The following TMOD1 variants were observed in gnomAD, a reference collection of about 807,000 sequenced individuals.
The protein encoded by TMOD1 is tropomodulin 1.
TMOD1 carries 17 observed loss-of-function variants against 40.6 expected under a neutral mutation model. That is an observed-to-expected ratio of 0.42 (90% confidence interval 0.29 to 0.63). The LOEUF (loss-of-function observed/expected upper bound fraction) is 0.63, where lower values mean the gene tolerates loss of function less well. Among genes scored for constraint, TMOD1 ranks in the 20% least tolerant of loss-of-function variants. The pLI is 0.22. For synonymous variants in TMOD1, 181 were observed against 175.0 expected, an observed-to-expected ratio of 1.03 and a Z score of -0.27; for missense variants, 391 against 447.6, an observed-to-expected ratio of 0.87 and a Z score of 1.14.
At chr9:97,594,520 T>C (rs1421572431) in intron 9 of TMOD1, among the ~76,000 whole-genome samples, 2 of 152,202 alleles carry the variant, frequency 1.3e-5, no homozygotes, top group African/African-American at 4.8e-5. Context: ...GGAGCAGGCC[T>C]CTCAGGCCTC....
intron 2 of TMOD1, among the ~76,000 whole-genome samples, chr9:97,536,902 G>C (rs1325153059): frequency 6.6e-6 from 1 of 152,186 alleles, no homozygotes; most frequent in Non-Finnish European, 1.5e-5. Context: ...TTTGGGAAAA[G>C]TGATAAAAAT....
In TMOD1 at chr9:97,565,829, G is replaced by C. The variant is rs774747482; in HGVS notation, c.619-19G>C. On this transcript the variant is annotated intron_variant, in intron 6 of 9. Coordinates refer to ENST00000259365, the MANE Select transcript of TMOD1 (RefSeq NM_003275.4). ...GAGGAGGCTTCTGGTCACTCTCTCTGTTGCCTTTCTTTGTGCAGAATATCC... is the reference window on the plus strand; with the variant it reads ...GAGGAGGCTTCTGGTCACTCTCTCTCTTGCCTTTCTTTGTGCAGAATATCC... 1.9e-6 allele frequency: 3 copies of C among 1,601,266 alleles called. No homozygotes were observed. In the Admixed American group the frequency reaches 5.0e-5, roughly 27 times the overall value.
intron 9 of TMOD1, among the ~76,000 whole-genome samples, chr9:97,593,838 G>A (rs985483256): frequency 1.3e-5 from 2 of 151,860 alleles, no homozygotes; most frequent in African/African-American, 4.8e-5. Flanking sequence ...TAGTGCTGGG[G>A]GTACAAAGGA....
At chr9:97,563,878 GCTT>G (rs1018805136) in intron 5 of TMOD1, among the ~76,000 whole-genome samples, 157 bp from the exon 6 acceptor site, 17 of 152,170 alleles carry the variant, frequency 1.1e-4, no homozygotes, top group African/African-American at 3.9e-4. Flanking sequence ...CCCTTGCGGG[GCTT>G]CTTCTGAGTG....
intron 1 of TMOD1, among the ~76,000 whole-genome samples, chr9:97,511,785 G>A (rs1321061894): frequency 2.0e-5 from 3 of 152,064 alleles, no homozygotes; most frequent in Admixed American, 6.5e-5. Context: ...AGGTCTCACC[G>A]TGTTGCCCAG....
At chr9:97,518,507 T>C (rs1330125) in intron 1 of TMOD1, among the ~76,000 whole-genome samples, 5,495 of 152,362 alleles carry the variant, frequency 0.036, 187 homozygotes, top group East Asian at 0.1. Flanking sequence ...AAGAAATGAA[T>C]GAGCTAAGAA....
intron 1 of TMOD1, among the ~76,000 whole-genome samples, chr9:97,520,817 C>T (rs980803321): frequency 4.6e-5 from 7 of 152,120 alleles, no homozygotes; most frequent in African/African-American, 1.7e-4. Context: ...AGTGCCCCAC[C>T]ACATATCCCT....
chr9:97,535,018 A>C (rs1445171728), intron 2 of TMOD1, among the ~76,000 whole-genome samples: 5 of 152,200 alleles, frequency 3.3e-5, no homozygotes, highest in Non-Finnish European at 7.4e-5. Flanking sequence ...GAGTGGCTAG[A>C]ACATGGGCTA....
chr9:97,565,810 G>A lies in TMOD1; in HGVS notation c.619-38G>A, dbSNP rs1830718108. The stretch of plus-strand genomic sequence containing the variant: ...CCTGCCTCAGCCTGTCCCAGAGGAG[G>A]CTTCTGGTCACTCTCTCTGTTGCCT... On this transcript the variant is annotated intron_variant, in intron 6 of 9. Transcript: ENST00000259365. 6 of 1,538,270 alleles carry A rather than the reference G, an allele frequency of 3.9e-6. No homozygotes were observed. The South Asian group carries it at 6.7e-5, about 17-fold the overall frequency.
At chr9:97,558,063 G>C (rs1830561361) in intron 4 of TMOD1, among the ~76,000 whole-genome samples, 1 of 152,184 alleles carries the variant, frequency 6.6e-6, no homozygotes, top group Non-Finnish European at 1.5e-5. Context: ...GGTAATACTA[G>C]CCCCAGGCAT....
At chr9:97,520,010 T>C (rs1829890464) in intron 1 of TMOD1, among the ~76,000 whole-genome samples, 1 of 152,094 alleles carries the variant, frequency 6.6e-6, no homozygotes, top group Admixed American at 6.5e-5. Flanking sequence ...CCAGGGATTT[T>C]CCACTTTTTA....
chr9:97,558,984 T>C (rs186219904), intron 4 of TMOD1, among the ~76,000 whole-genome samples: 174 of 152,314 alleles, frequency 1.1e-3, no homozygotes, highest in African/African-American at 4.1e-3. Flanking sequence ...CTCGTGTAAC[T>C]TCACCGCCTC....
At chr9:97,591,563 G>A (rs1826002745) in intron 9 of TMOD1, 128 bp downstream of exon 9, 6 of 1,182,488 alleles carry the variant, frequency 5.1e-6, no homozygotes, top group East Asian at 2.4e-5. Flanking sequence ...CACATTGATC[G>A]CGTCTTCCTT....
chr9:97,548,343 G>A (rs1236487207), intron 3 of TMOD1, among the ~76,000 whole-genome samples: 1 of 152,156 alleles, frequency 6.6e-6, no homozygotes, highest in African/African-American at 2.4e-5. Context: ...TGGACTTGGA[G>A]CTCAGTCCAG....
At chr9:97,555,106 C>CG (rs1362939568) in intron 4 of TMOD1, among the ~76,000 whole-genome samples, 1 of 152,192 alleles carries the variant, frequency 6.6e-6, no homozygotes, top group Non-Finnish European at 1.5e-5. Flanking sequence ...GTGAGTGCTT[C>CG]ACCCAGCTGG....
chr9:97,548,726 G>A (rs1434399142), intron 3 of TMOD1, among the ~76,000 whole-genome samples: 1 of 152,196 alleles, frequency 6.6e-6, no homozygotes, highest in African/African-American at 2.4e-5. Context: ...GAAAAACCAG[G>A]CTGACCAAGG....
At chr9:97,589,579 G>A (rs1041444862) in intron 8 of TMOD1, among the ~76,000 whole-genome samples, 5 of 151,908 alleles carry the variant, frequency 3.3e-5, no homozygotes, top group African/African-American at 4.8e-5. Context: ...GTGCCCGGCC[G>A]GAACTCACTA....
rs549501630 is a variant in TMOD1 at position 97,599,525 on chromosome 9, CTG to C, written c.1016-107_1016-106del. ...CTTTCAAAACAACAGACTTCAGACT[CTG>C]TTAACAAACCAATTAGTGCGAGGTT... On this transcript the variant is annotated intron_variant, in intron 9 of 9. Coordinates refer to ENST00000259365, the MANE Select transcript of TMOD1 (RefSeq NM_003275.4). 6.6e-5 allele frequency: 91 copies of C among 1,380,486 alleles called. 1 individual carries two copies. In the South Asian group the frequency reaches 1.0e-3, roughly 16 times the overall value. The allele number at this position is 1,380,486 out of a possible 1,614,324, so 85.5% of individuals were successfully genotyped here. A position where few individuals can be genotyped will look rare whatever the true frequency, so the allele number is the denominator to read the frequency against.
intron 3 of TMOD1, among the ~76,000 whole-genome samples, chr9:97,549,354 T>C (rs769497634): frequency 1.3e-5 from 2 of 152,180 alleles, no homozygotes; most frequent in African/African-American, 2.4e-5. Context: ...CACATGCCAC[T>C]AGTAAGATGA....
Sources: allele counts gnomAD v4.1 joint callset (sites outside exome capture counted in the v4.1 genomes callset), GRCh38; gene constraint gnomAD v4.1.1; transcripts MANE v1.5; gene names NCBI Gene and HGNC (gene_info 2026-07-23, HGNC 2026-07-21).